GRID1: variants seen among roughly 807,000 people sequenced by gnomAD.
The protein encoded by GRID1 is glutamate ionotropic receptor delta type subunit 1, also known as glutamate receptor ionotropic, delta-1.
A neutral mutation model predicts 98.0 loss-of-function variants in GRID1; 28 were observed. The ratio of observed to expected loss-of-function variants is 0.29; its 90% confidence interval spans 0.21 to 0.39. The LOEUF (loss-of-function observed/expected upper bound fraction) is 0.39. GRID1 is among the 10% of genes least tolerant of loss of function. GRID1 has a pLI of 1.00. For missense variants in GRID1, 1,111 were observed against 1,340.5 expected (o/e 0.83, Z 2.67); for synonymous variants, 553 against 538.5 (o/e 1.03, Z -0.37).
chr10:85,979,581 T>C (rs12782857), intron 4 of GRID1, among the ~76,000 whole-genome samples: 10,349 of 152,272 alleles, frequency 0.068, 392 homozygotes, highest in Non-Finnish European at 0.084. Flanking sequence ...TGAATACAAA[T>C]GTCTCCTTTT....
chr10:86,224,479 G>A (rs566869018), intron 2 of GRID1, among the ~76,000 whole-genome samples: 34 of 152,280 alleles, frequency 2.2e-4, no homozygotes, highest in African/African-American at 7.2e-4. Context: ...TGCCACAGCT[G>A]GATCCATGGC....
chr10:85,782,391 T>C (rs574414663), intron 8 of GRID1, among the ~76,000 whole-genome samples: 26 of 152,350 alleles, frequency 1.7e-4, no homozygotes, highest in African/African-American at 6.0e-4. Flanking sequence ...AATTTCTTCA[T>C]TCATTCAACA....
intron 12 of GRID1, among the ~76,000 whole-genome samples, chr10:85,680,025 C>T (rs1163851449): frequency 2.0e-5 from 3 of 152,166 alleles, no homozygotes; most frequent in African/African-American, 4.8e-5. Context: ...CACAGTCCCA[C>T]GTCAGGCCTA....
intron 3 of GRID1, among the ~76,000 whole-genome samples, chr10:86,140,248 A>G (rs990088476): frequency 6.6e-6 from 1 of 152,088 alleles, no homozygotes; most frequent in Non-Finnish European, 1.5e-5. Flanking sequence ...TCCAAAGGAT[A>G]CTCTAGGTCT....
chr10:85,653,927 A>G (rs954210605), intron 12 of GRID1, among the ~76,000 whole-genome samples: 3 of 152,200 alleles, frequency 2.0e-5, no homozygotes, highest in African/African-American at 7.2e-5. Flanking sequence ...AAAAAAATAA[A>G]CTACCCAGTT....
At chr10:86,264,693 G>A (rs1296723002) in intron 2 of GRID1, 1 of 475,880 alleles carries the variant, frequency 2.1e-6, no homozygotes, top group East Asian at 6.6e-5. Context: ...CCATGCAGGA[G>A]CCGCTCTGCC....
intron 8 of GRID1, among the ~76,000 whole-genome samples, chr10:85,739,346 A>G (rs1841918014): frequency 6.6e-6 from 1 of 152,204 alleles, no homozygotes; most frequent in South Asian, 2.1e-4. Context: ...TTGTGAGGCT[A>G]AGGCAAGAGA....
At chr10:86,364,745 G>A (rs1422032742) in intron 1 of GRID1, among the ~76,000 whole-genome samples, 1 of 152,242 alleles carries the variant, frequency 6.6e-6, no homozygotes, top group African/African-American at 2.4e-5. Context: ...TTTCCTGTAC[G>A]TCTGTCGAGG....
intron 3 of GRID1, among the ~76,000 whole-genome samples, chr10:86,174,699 C>G (rs949772247): frequency 6.7e-5 from 10 of 149,872 alleles, no homozygotes; most frequent in Non-Finnish European, 5.9e-5. Flanking sequence ...TCAGAGTGAA[C>G]AGGCAACCTA....
Position 86,319,518 on chromosome 10 carries a change from G to A in GRID1, c.235+44423C>T, listed in dbSNP as rs529038848. ...TCTGCCTGGCATGGGATGAAGGGGT[G>A]GGATCCCCTCCCCCTGCCCCAGGCC... On this transcript the variant is annotated intron_variant, in intron 2 of 15. Coordinates refer to ENST00000327946, the MANE Select transcript of GRID1 (RefSeq NM_017551.3). 2.0e-5 allele frequency among the ~76,000 whole-genome samples: 3 copies of A among 152,262 alleles called. No homozygotes were observed. In the South Asian group the frequency reaches 6.2e-4, roughly 32 times the overall value.
chr10:85,894,414 T>C (rs950753205), intron 5 of GRID1, among the ~76,000 whole-genome samples: 3 of 152,264 alleles, frequency 2.0e-5, no homozygotes, highest in African/African-American at 7.2e-5. Flanking sequence ...TATGATTCCA[T>C]TGATATAAAA....
intron 13 of GRID1, among the ~76,000 whole-genome samples, chr10:85,644,812 C>T (rs918642367): frequency 2.6e-5 from 4 of 152,234 alleles, no homozygotes; most frequent in Non-Finnish European, 5.9e-5. Flanking sequence ...TGTTACTCCA[C>T]GTCTTCTTCA....
intron 14 of GRID1, among the ~76,000 whole-genome samples, chr10:85,619,266 C>T (rs1265655230): frequency 6.6e-6 from 1 of 152,226 alleles, no homozygotes; most frequent in Non-Finnish European, 1.5e-5. Context: ...CTTCCCTGCC[C>T]CAGCAGACAG....
intron 4 of GRID1, among the ~76,000 whole-genome samples, chr10:85,960,847 A>T (rs940181399): frequency 1.3e-5 from 2 of 152,172 alleles, no homozygotes; most frequent in Non-Finnish European, 2.9e-5. Context: ...TCACTCAGGG[A>T]AAACATTTCT....
intron 2 of GRID1, among the ~76,000 whole-genome samples, chr10:86,283,972 C>A (rs1847392968): frequency 6.7e-6 from 1 of 149,906 alleles, no homozygotes; most frequent in South Asian, 2.1e-4. Context: ...ATATACACAC[C>A]TGCCCTCTCA....
chr10:86,140,982 C>T (rs1251919080), intron 3 of GRID1, among the ~76,000 whole-genome samples: 2 of 152,084 alleles, frequency 1.3e-5, no homozygotes, highest in African/African-American at 4.8e-5. Flanking sequence ...ACCATGACCT[C>T]AGCCAGCCCC....
chr10:86,163,784 A>G (rs942535395), intron 3 of GRID1, among the ~76,000 whole-genome samples: 1 of 152,200 alleles, frequency 6.6e-6, no homozygotes, highest in Non-Finnish European at 1.5e-5. Context: ...TGGTGGGGGC[A>G]GTCCATCTGT....
intron 4 of GRID1, among the ~76,000 whole-genome samples, chr10:86,042,363 T>C (rs989815558): frequency 2.0e-5 from 3 of 152,046 alleles, no homozygotes; most frequent in Admixed American, 6.5e-5. Flanking sequence ...GGAGGCTCCA[T>C]GAGAGTCAGG....
At chr10:86,040,120 T>C (rs1170279987) in intron 4 of GRID1, among the ~76,000 whole-genome samples, 4 of 152,166 alleles carry the variant, frequency 2.6e-5, no homozygotes, top group Non-Finnish European at 5.9e-5. Flanking sequence ...TCTCTGGAAA[T>C]GGGAATCCTT....
Sources: allele counts gnomAD v4.1 joint callset (sites outside exome capture counted in the v4.1 genomes callset), GRCh38; gene constraint gnomAD v4.1.1; transcripts MANE v1.5; gene names NCBI Gene and HGNC (gene_info 2026-07-23, HGNC 2026-07-21).